The following MAPK10 variants were observed in gnomAD, a reference collection of about 807,000 sequenced individuals.
MAPK10 encodes the protein JNK3 alpha protein kinase.
A neutral mutation model predicts 59.3 loss-of-function variants in MAPK10; 25 were observed. The observed-to-expected ratio is 0.42, with a 90% CI of 0.31 to 0.59. MAPK10 has a LOEUF of 0.59. Among genes scored for constraint, MAPK10 ranks in the 20% least tolerant of loss-of-function variants. The pLI is 0.15. For synonymous variants in MAPK10, 190 were observed against 200.5 expected, an observed-to-expected ratio of 0.95 and a Z score of 0.44; for missense variants, 351 against 568.9, an observed-to-expected ratio of 0.62 and a Z score of 3.90.
At chr4:86,262,529 T>G (rs916265820) in intron 2 of MAPK10, among the ~76,000 whole-genome samples, 1 of 152,190 alleles carries the variant, frequency 6.6e-6, no homozygotes, top group Non-Finnish European at 1.5e-5. Context: ...AGGAGGTTTC[T>G]GGTTGCCTTT....
intron 1 of MAPK10, among the ~76,000 whole-genome samples, chr4:86,400,923 A>G (rs928273675): frequency 1.3e-5 from 2 of 152,164 alleles, no homozygotes; most frequent in Non-Finnish European, 2.9e-5. Context: ...GAAGATTTTT[A>G]TTGTGTGCTT....
intron 4 of MAPK10, among the ~76,000 whole-genome samples, chr4:86,136,880 T>G (rs1025241607): frequency 1.3e-5 from 2 of 152,056 alleles, no homozygotes; most frequent in African/African-American, 4.8e-5. Flanking sequence ...GCAGGGGTTG[T>G]AATCCTAGTC....
chr4:86,135,767 AAAG>A (rs1416559338), intron 4 of MAPK10, among the ~76,000 whole-genome samples: 1 of 152,134 alleles, frequency 6.6e-6, no homozygotes. Flanking sequence ...AACAAAAGGC[AAAG>A]AAGTTGAAAA....
At chr4:86,317,095 T>C (rs1472106485) in intron 2 of MAPK10, among the ~76,000 whole-genome samples, 1 of 152,042 alleles carries the variant, frequency 6.6e-6, no homozygotes, top group African/African-American at 2.4e-5. Flanking sequence ...CAAAAGAGGT[T>C]TGTCCTTCCA....
At chr4:86,180,977 TAGAA>T (rs2076811115) in intron 3 of MAPK10, among the ~76,000 whole-genome samples, 2 of 151,984 alleles carry the variant, frequency 1.3e-5, no homozygotes, top group Non-Finnish European at 2.9e-5. Context: ...TTCAAATAGT[TAGAA>T]GGAGGATATT....
chr4:86,403,545 C>G (rs1743983029), intron 1 of MAPK10, among the ~76,000 whole-genome samples: 1 of 151,952 alleles, frequency 6.6e-6, no homozygotes, highest in African/African-American at 2.4e-5. Flanking sequence ...AAAACAACAA[C>G]AAAACCTGAG....
At chr4:86,189,236 TG>T (rs757987268) in intron 3 of MAPK10, among the ~76,000 whole-genome samples, 1 of 152,328 alleles carries the variant, frequency 6.6e-6, no homozygotes, top group Non-Finnish European at 1.5e-5. Flanking sequence ...GGCTCTTTTT[TG>T]GTTCCATATG....
chr4:86,562,056 C>A (rs1760718440), intron 1 of MAPK10, among the ~76,000 whole-genome samples: 1 of 152,140 alleles, frequency 6.6e-6, no homozygotes, highest in African/African-American at 2.4e-5. Flanking sequence ...CTATCCTGTT[C>A]AAAAAGTTCA....
At chr4:86,164,305 T>C (rs1347491881) in intron 3 of MAPK10, 3 of 152,114 alleles carry the variant, frequency 2.0e-5, no homozygotes, top group African/African-American at 4.8e-5. Context: ...TAAAAACAAA[T>C]GTCAAATAAA....
At chr4:86,463,039 G>C (rs1042875822) in intron 1 of MAPK10, among the ~76,000 whole-genome samples, 1 of 152,170 alleles carries the variant, frequency 6.6e-6, no homozygotes, top group Non-Finnish European at 1.5e-5. Context: ...GAAGGAATTA[G>C]TTAATGAACA....
At chr4:86,359,136 C>A (rs956863250) in intron 1 of MAPK10, among the ~76,000 whole-genome samples, 8 of 151,872 alleles carry the variant, frequency 5.3e-5, no homozygotes, top group Non-Finnish European at 1.0e-4. Context: ...ATACTTCTCA[C>A]AAAAGTAAAC....
chr4:86,467,676 T>C (rs1346945663), intron 1 of MAPK10, among the ~76,000 whole-genome samples: 1 of 152,124 alleles, frequency 6.6e-6, no homozygotes, highest in Non-Finnish European at 1.5e-5. Flanking sequence ...TGTGCCACCA[T>C]GCCCAGCTAA....
intron 9 of MAPK10, chr4:86,090,958 T>C (rs1190855142): frequency 1.3e-5 from 2 of 152,170 alleles, no homozygotes; most frequent in Non-Finnish European, 2.9e-5. Context: ...ATTCATCTTT[T>C]TCTGCTAGAG....
In MAPK10 at chr4:86,141,078, A is replaced by T. The variant is rs564706358; in HGVS notation, c.236+18220T>A. The stretch of plus-strand genomic sequence containing the variant: ...TTAGACATGAGGAAATTAAGGCCTA[A>T]AAATACAATTAACTTGTTCAAAGTC... On this transcript the variant is annotated intron_variant, in intron 4 of 13. Transcript: ENST00000641462. 1.3e-5 allele frequency among the ~76,000 whole-genome samples: 2 copies of T among 152,312 alleles called. 1 individual carries two copies. The highest frequency in any genetic ancestry group is 4.8e-5 in the African/African-American group (2 of 41,558).
chr4:86,473,090 C>G (rs1243855172), intron 1 of MAPK10, among the ~76,000 whole-genome samples: 1 of 152,128 alleles, frequency 6.6e-6, no homozygotes, highest in Non-Finnish European at 1.5e-5. Flanking sequence ...GAAAATATTA[C>G]CTGTTATTTT....
chr4:86,140,536 G>C (rs2063400981), intron 4 of MAPK10, among the ~76,000 whole-genome samples: 1 of 119,278 alleles, frequency 8.4e-6, no homozygotes, highest in Non-Finnish European at 1.7e-5. Flanking sequence ...ACTATTGTGG[G>C]GTGGGGGGAG....
chr4:86,092,200 A>G (rs2053364134), intron 9 of MAPK10, among the ~76,000 whole-genome samples: 1 of 152,054 alleles, frequency 6.6e-6, no homozygotes, highest in Non-Finnish European at 1.5e-5. Flanking sequence ...ATTGAATTTC[A>G]TTTTCTTTAT....
At chr4:86,406,227 C>T (rs1273457084) in intron 1 of MAPK10, among the ~76,000 whole-genome samples, 8 of 152,140 alleles carry the variant, frequency 5.3e-5, no homozygotes, top group Non-Finnish European at 1.5e-5. Context: ...TCAAATATGG[C>T]CCCTTGACTA....
chr4:86,249,289 G>T (rs2093292479), intron 2 of MAPK10, among the ~76,000 whole-genome samples: 1 of 152,154 alleles, frequency 6.6e-6, no homozygotes, highest in Non-Finnish European at 1.5e-5. Flanking sequence ...GCTAGCATTG[G>T]TTTAGTGGCT....
Sources: allele counts gnomAD v4.1 joint callset (sites outside exome capture counted in the v4.1 genomes callset), GRCh38; gene constraint gnomAD v4.1.1; transcripts MANE v1.5; gene names NCBI Gene and HGNC (gene_info 2026-07-23, HGNC 2026-07-21).